Variants in PRKN observed in about 807,000 individuals in gnomAD.
PRKN encodes the protein parkin RBR E3 ubiquitin protein ligase.
In PRKN, 56 loss-of-function variants were observed where a neutral mutation model predicts 59.5. The ratio of observed to expected loss-of-function variants is 0.94; its 90% confidence interval spans 0.76 to 1.18. PRKN has a LOEUF of 1.18. PRKN is among the 50% of genes most tolerant of loss of function. The pLI, the probability that PRKN is intolerant of heterozygous loss-of-function variation, is 0.00. For missense variants in PRKN, 657 were observed against 596.4 expected, an observed-to-expected ratio of 1.10 and a Z score of -1.06; for synonymous variants, 250 against 222.1, an observed-to-expected ratio of 1.13 and a Z score of -1.12.
chr6:161,875,946 T>C (rs1794717617), intron 6 of PRKN, among the ~76,000 whole-genome samples: 1 of 152,080 alleles, frequency 6.6e-6, no homozygotes, highest in South Asian at 2.1e-4. Context: ...CACTCAACAC[T>C]GTAGGACCTG....
chr6:161,557,668 A>C (rs1299815480), intron 8 of PRKN, among the ~76,000 whole-genome samples: 1 of 152,216 alleles, frequency 6.6e-6, no homozygotes, highest in Non-Finnish European at 1.5e-5. Flanking sequence ...TAGAAAAAGA[A>C]GAAAAGAATC....
Position 162,612,055 on chromosome 6 carries a change from T to A in PRKN, c.7+115607A>T, listed in dbSNP as rs567124166. On this transcript the variant is annotated intron_variant, in intron 1 of 11. Coordinates refer to ENST00000366898, the MANE Select transcript of PRKN (RefSeq NM_004562.3). ...GAAAAAAAAAAAAATTAGCTGGGCG[T>A]GGTGGCGGGCGCCTGTAGTCCCAGC... Among the ~76,000 whole-genome samples, 21 of 147,994 alleles carry A rather than the reference T, an allele frequency of 1.4e-4. No individual in the cohort carries two copies. The South Asian group carries it at 4.5e-3, about 32-fold the overall frequency.
intron 5 of PRKN, among the ~76,000 whole-genome samples, chr6:162,046,270 G>A (rs1416476562): frequency 1.3e-5 from 2 of 152,122 alleles, no homozygotes; most frequent in Non-Finnish European, 1.5e-5. Context: ...TGAAGCCTCT[G>A]GGGTTTATAA....
intron 4 of PRKN, among the ~76,000 whole-genome samples, chr6:162,131,611 T>C (rs1781359878): frequency 2.0e-5 from 3 of 152,194 alleles, no homozygotes; most frequent in Admixed American, 2.0e-4. Flanking sequence ...GATTCTGCAA[T>C]CCCTTGAGCT....
At chr6:162,426,436 G>A (rs1212657651) in intron 2 of PRKN, among the ~76,000 whole-genome samples, 2 of 152,148 alleles carry the variant, frequency 1.3e-5, no homozygotes, top group Non-Finnish European at 2.9e-5. Flanking sequence ...AGTTGTTAAA[G>A]ACCTATATTT....
chr6:162,252,833 T>G (rs1779489893), intron 3 of PRKN, among the ~76,000 whole-genome samples: 1 of 152,260 alleles, frequency 6.6e-6, no homozygotes, highest in Non-Finnish European at 1.5e-5. Context: ...ATTGGGAATC[T>G]TGGATGAGAA....
intron 7 of PRKN, among the ~76,000 whole-genome samples, chr6:161,594,394 G>C (rs1314555571): frequency 6.6e-6 from 1 of 152,178 alleles, no homozygotes; most frequent in Non-Finnish European, 1.5e-5. Flanking sequence ...GGCAAGATGG[G>C]AGAAGACATC....
chr6:162,115,104 A>G (rs1780609443), intron 4 of PRKN, among the ~76,000 whole-genome samples: 1 of 152,162 alleles, frequency 6.6e-6, no homozygotes, highest in East Asian at 1.9e-4. Context: ...CCAAATGTCC[A>G]ACAATGATAG....
chr6:161,570,141 A>T (rs1780822351), intron 7 of PRKN, among the ~76,000 whole-genome samples: 2 of 134,418 alleles, frequency 1.5e-5, no homozygotes, highest in South Asian at 4.5e-4. Context: ...AAAAAAAAAA[A>T]AAAAAATATA....
intron 4 of PRKN, among the ~76,000 whole-genome samples, chr6:162,195,048 G>A (rs1352174084): frequency 6.6e-6 from 1 of 152,206 alleles, no homozygotes; most frequent in Non-Finnish European, 1.5e-5. Flanking sequence ...GACATGCATT[G>A]TGTTCTGCAC....
At chr6:162,376,954 G>A (rs1786138241) in intron 2 of PRKN, among the ~76,000 whole-genome samples, 1 of 151,810 alleles carries the variant, frequency 6.6e-6, no homozygotes, top group African/African-American at 2.4e-5. Context: ...AAGGCAGGAG[G>A]AGAAGCCCAG....
chr6:162,585,193 C>T (rs1382712676), intron 1 of PRKN, among the ~76,000 whole-genome samples: 2 of 151,850 alleles, frequency 1.3e-5, no homozygotes, highest in Non-Finnish European at 2.9e-5. Context: ...GCCACTGCAC[C>T]TGGCCTATAA....
intron 2 of PRKN, among the ~76,000 whole-genome samples, chr6:162,426,128 T>A (rs1488130051): frequency 2.6e-5 from 4 of 152,210 alleles, no homozygotes; most frequent in Admixed American, 2.6e-4. Context: ...AGACAAGTTA[T>A]TCCTAAAGAA....
chr6:162,588,930 G>A (rs535427617), intron 1 of PRKN, among the ~76,000 whole-genome samples: 46 of 152,056 alleles, frequency 3.0e-4, no homozygotes, highest in Non-Finnish European at 6.5e-4. Context: ...CGGTGGGTGC[G>A]CAGTAAGTTG....
chr6:162,321,334 A>G (rs1783015107), intron 2 of PRKN, among the ~76,000 whole-genome samples: 1 of 151,912 alleles, frequency 6.6e-6, no homozygotes, highest in Admixed American at 6.6e-5. Flanking sequence ...AGCCAGAGAG[A>G]AAAGAAAACT....
chr6:162,627,205 T>A (rs1435816083), intron 1 of PRKN, among the ~76,000 whole-genome samples: 1 of 152,198 alleles, frequency 6.6e-6, no homozygotes, highest in Non-Finnish European at 1.5e-5. Context: ...TCTTGAAGGA[T>A]GCAAGGTCCT....
intron 4 of PRKN, among the ~76,000 whole-genome samples, chr6:162,160,890 CAAAAAAAAAAAAAAAAA>C (rs56320816): frequency 1.2e-5 from 1 of 80,274 alleles, no homozygotes; most frequent in East Asian, 2.9e-4. Context: ...GACTCCGTCT[CAAAAAAAAAAAAAAAAA>C]AAAAAAAAAA....
At chr6:161,515,862 A>T (rs1174044862) in intron 9 of PRKN, among the ~76,000 whole-genome samples, 1 of 152,236 alleles carries the variant, frequency 6.6e-6, no homozygotes, top group African/African-American at 2.4e-5. Context: ...AAGAAAAGAA[A>T]AAAAAGAGAA....
At chr6:162,331,889 C>T (rs1236538932) in intron 2 of PRKN, among the ~76,000 whole-genome samples, 2 of 152,174 alleles carry the variant, frequency 1.3e-5, no homozygotes, top group African/African-American at 4.8e-5. Context: ...CTTCCTCCAC[C>T]ATTTTTGAGA....
Sources: gnomAD v4.1 joint callset for allele counts (sites outside exome capture counted in the v4.1 genomes callset) on GRCh38, gnomAD v4.1.1 for gene constraint, MANE v1.5 for transcripts, NCBI Gene and HGNC (gene_info 2026-07-23, HGNC 2026-07-21) for gene names.